Variants in TRPM3 observed in about 807,000 individuals in gnomAD.
TRPM3 encodes long transient receptor potential channel 3.
TRPM3 carries 77 observed loss-of-function variants against 181.2 expected under a neutral mutation model. The observed-to-expected ratio is 0.42, with a 90% CI of 0.35 to 0.51. The LOEUF (loss-of-function observed/expected upper bound fraction) is 0.51, where lower values mean the gene tolerates loss of function less well. TRPM3 is among the 20% of genes least tolerant of loss of function. The probability of loss-of-function intolerance (pLI) is 0.01; values close to 1 mark genes in which losing one functional copy is unlikely to be tolerated. For synonymous variants in TRPM3, 745 were observed against 796.4 expected, an observed-to-expected ratio of 0.94 and a Z score of 1.09; for missense variants, 1,759 against 2,196.7, an observed-to-expected ratio of 0.80 and a Z score of 3.98.
At chr9:71,075,519 AAAC>A (rs2063337457) in intron 1 of TRPM3, among the ~76,000 whole-genome samples, 1 of 152,196 alleles carries the variant, frequency 6.6e-6, no homozygotes, top group Non-Finnish European at 1.5e-5. Context: ...AATCCTCTGA[AAAC>A]AACTATCCCC....
chr9:70,922,331 TTA>T (rs1356821356), intron 1 of TRPM3, among the ~76,000 whole-genome samples: 3 of 152,176 alleles, frequency 2.0e-5, no homozygotes, highest in Non-Finnish European at 4.4e-5. Context: ...TTCCCATGCA[TTA>T]TGTCATTAAG....
chr9:70,549,432 TA>T, intron 25 of TRPM3, 109 bp downstream of exon 25: 1 of 1,377,464 alleles, frequency 7.3e-7, no homozygotes. Flanking sequence ...TCTCAGACAA[TA>T]AAAACAAACA....
At chr9:71,274,282 A>G (rs1198775697) in intron 1 of TRPM3, among the ~76,000 whole-genome samples, 2 of 152,226 alleles carry the variant, frequency 1.3e-5, no homozygotes, top group African/African-American at 4.8e-5. Context: ...CTATGTCAGG[A>G]CAAGTACTGA....
intron 1 of TRPM3, among the ~76,000 whole-genome samples, chr9:71,341,972 G>C (rs1471249228): frequency 6.6e-6 from 1 of 151,770 alleles, no homozygotes; most frequent in Admixed American, 6.6e-5. Flanking sequence ...AATTGAGGCA[G>C]AGAGGATGAG....
chr9:70,836,833 C>T (rs373097306), intron 5 of TRPM3, among the ~76,000 whole-genome samples: 7 of 152,190 alleles, frequency 4.6e-5, no homozygotes, highest in African/African-American at 9.7e-5. Flanking sequence ...GTAGCCAGAT[C>T]GTGCTTCTGA....
chr9:71,274,530 G>A (rs1258254694), intron 1 of TRPM3, among the ~76,000 whole-genome samples: 1 of 152,186 alleles, frequency 6.6e-6, no homozygotes, highest in Non-Finnish European at 1.5e-5. Flanking sequence ...TACAGGAAAT[G>A]CTGCAAAGAC....
intron 2 of TRPM3, among the ~76,000 whole-genome samples, chr9:70,863,440 C>G (rs145697757): frequency 6.6e-6 from 1 of 152,262 alleles, no homozygotes; most frequent in East Asian, 1.9e-4. Flanking sequence ...TTCTCTACTT[C>G]TCACTCAGCC....
chr9:70,641,542 AT>A (rs1490918832), intron 9 of TRPM3, among the ~76,000 whole-genome samples: 2 of 152,086 alleles, frequency 1.3e-5, no homozygotes, highest in East Asian at 3.9e-4. Flanking sequence ...CCAGGTTCTT[AT>A]TTTTCTCCAG....
In TRPM3 at chr9:71,058,501, G is replaced by A. The variant is rs1187139938; in HGVS notation, c.177+62677C>T. On this transcript the variant is annotated intron_variant, in intron 1 of 25. Transcript: ENST00000677713. ...TTTCAGAAATGGAGAGTAGGACACA[G>A]CTGGTCTACCTGATGTATCTTGTAC... is the stretch of plus-strand genomic sequence containing the variant. 2.6e-5 allele frequency among the ~76,000 whole-genome samples: 4 copies of A among 152,020 alleles called. No individual in the cohort carries two copies. The East Asian group carries it at 7.7e-4, about 29-fold the overall frequency.
chr9:70,561,183 A>G (rs1484440755), intron 22 of TRPM3, among the ~76,000 whole-genome samples: 1 of 152,190 alleles, frequency 6.6e-6, no homozygotes, highest in Admixed American at 6.6e-5. Flanking sequence ...TTTTCATCTA[A>G]AAATCCATCT....
chr9:71,271,973 A>C (rs2083833575), intron 1 of TRPM3, among the ~76,000 whole-genome samples: 1 of 152,232 alleles, frequency 6.6e-6, no homozygotes, highest in African/African-American at 2.4e-5. Flanking sequence ...ATTCAGCACC[A>C]CTTATCCGAT....
chr9:71,155,521 A>ATTTTATTTTATTTTATTTTATTTTAT lies in TRPM3; in HGVS notation c.184-291011_184-291010insATAAAATAAAATAAAATAAAATAAAA, dbSNP rs1460387705. Among the ~76,000 whole-genome samples, 800 of 140,634 alleles carry ATTTTATTTTATTTTATTTTATTTTAT rather than the reference A, an allele frequency of 5.7e-3. 3 individuals are homozygous for ATTTTATTTTATTTTATTTTATTTTAT. The highest frequency in any genetic ancestry group is 8.0e-3 in the Non-Finnish European group (523 of 65,204). 92.3% of individuals were successfully genotyped at this position (140,634 alleles called of 152,430 possible). ...ATTTTATTTTATTTTATTTTATTTT[A>ATTTTATTTTATTTTATTTTATTTTAT]TTTTTGCATAATTAGTAGAGATGGG... On this transcript the variant is annotated intron_variant, in intron 1 of 24. Coordinates refer to the TRPM3 transcript ENST00000357533.
chr9:71,442,276 G>T (rs977641782), intron 1 of TRPM3, among the ~76,000 whole-genome samples: 8 of 152,184 alleles, frequency 5.3e-5, no homozygotes, highest in Non-Finnish European at 1.0e-4. Context: ...GCTGTCTAAG[G>T]TTGAAAAACA....
intron 1 of TRPM3, among the ~76,000 whole-genome samples, chr9:71,316,710 A>G (rs552619911): frequency 6.6e-6 from 1 of 152,288 alleles, no homozygotes; most frequent in East Asian, 1.9e-4. Context: ...AGCCCAACTG[A>G]CACCTTGATA....
chr9:71,249,547 C>T (rs562080098), intron 1 of TRPM3, among the ~76,000 whole-genome samples: 8 of 152,194 alleles, frequency 5.3e-5, no homozygotes, highest in South Asian at 2.1e-4. Flanking sequence ...CACACAAATA[C>T]GCTAACCAGT....
At chr9:70,832,493 T>TA (rs2094005186) in intron 5 of TRPM3, among the ~76,000 whole-genome samples, 1 of 152,142 alleles carries the variant, frequency 6.6e-6, no homozygotes, top group Non-Finnish European at 1.5e-5. Context: ...GGCTGACTGA[T>TA]AAAATTCTGG....
At chr9:71,130,270 T>C (rs543151372) in intron 1 of TRPM3, among the ~76,000 whole-genome samples, 4 of 152,296 alleles carry the variant, frequency 2.6e-5, no homozygotes, top group African/African-American at 9.6e-5. Flanking sequence ...GTTTTTAAGG[T>C]AACTGATTTA....
At chr9:71,280,052 C>G (rs113072431) in intron 1 of TRPM3, among the ~76,000 whole-genome samples, 1,602 of 137,266 alleles carry the variant, frequency 0.012, 27 homozygotes, top group East Asian at 0.079. Context: ...CACTCTACCA[C>G]AGATGATGAG....
At chr9:71,225,494 T>A (rs377444260) in intron 1 of TRPM3, among the ~76,000 whole-genome samples, 156 of 152,078 alleles carry the variant, frequency 1.0e-3, no homozygotes, top group African/African-American at 3.7e-3. Flanking sequence ...AGTAGTTCAA[T>A]CAGAAAGAAA....
Sources: allele counts gnomAD v4.1 joint callset (sites outside exome capture counted in the v4.1 genomes callset), GRCh38; gene constraint gnomAD v4.1.1; transcripts MANE v1.5; gene names NCBI Gene and HGNC (gene_info 2026-07-23, HGNC 2026-07-21).